RAPGEF4: variants seen among roughly 807,000 people sequenced by gnomAD.
The protein encoded by RAPGEF4 is RAP guanine-nucleotide-exchange factor (GEF) 4.
In RAPGEF4, 66 loss-of-function variants were observed where a neutral mutation model predicts 147.9. That is an observed-to-expected ratio of 0.45 (90% CI 0.37 to 0.55). The LOEUF (loss-of-function observed/expected upper bound fraction) is 0.55. Among genes scored for constraint, RAPGEF4 ranks in the 20% least tolerant of loss-of-function variants. The probability of loss-of-function intolerance (pLI) is 0.00; values close to 1 mark genes in which losing one functional copy is unlikely to be tolerated. For missense variants in RAPGEF4, 1,071 were observed against 1,257.3 expected, an observed-to-expected ratio of 0.85 and a Z score of 2.24; for synonymous variants, 419 against 442.7, an observed-to-expected ratio of 0.95 and a Z score of 0.67.
chr2:172,870,782 T>G (rs1695157424), intron 4 of RAPGEF4, among the ~76,000 whole-genome samples: 1 of 152,210 alleles, frequency 6.6e-6, no homozygotes, highest in Non-Finnish European at 1.5e-5. Context: ...TTCCTATCTA[T>G]AAATTGAGAT....
intron 4 of RAPGEF4, among the ~76,000 whole-genome samples, chr2:172,846,019 C>G (rs566415810): frequency 7.5e-4 from 114 of 152,278 alleles, no homozygotes; most frequent in African/African-American, 2.7e-3. Flanking sequence ...CATAGCAAAC[C>G]CTCCTCACCG....
intron 6 of RAPGEF4, among the ~76,000 whole-genome samples, chr2:172,957,610 C>T (rs1040549522): frequency 1.3e-5 from 2 of 152,184 alleles, no homozygotes; most frequent in African/African-American, 2.4e-5. Context: ...AAAATAAAAC[C>T]TTCCCTGCTT....
intron 10 of RAPGEF4, among the ~76,000 whole-genome samples, chr2:172,968,661 A>G (rs955516130): frequency 6.6e-6 from 1 of 152,216 alleles, no homozygotes; most frequent in African/African-American, 2.4e-5. Flanking sequence ...CTTTCTTCAC[A>G]TAAAAAGATG....
At chr2:172,994,743 T>G (rs1693156557) in intron 15 of RAPGEF4, among the ~76,000 whole-genome samples, 1 of 152,240 alleles carries the variant, frequency 6.6e-6, no homozygotes, top group Non-Finnish European at 1.5e-5. Flanking sequence ...GAAAGTCATT[T>G]ATAAATATGC....
At chr2:172,946,980 T>C (rs1227975281) in intron 6 of RAPGEF4, among the ~76,000 whole-genome samples, 1 of 152,218 alleles carries the variant, frequency 6.6e-6, no homozygotes, top group Non-Finnish European at 1.5e-5. Context: ...GCAACATGTA[T>C]CATTAAATGT....
intron 4 of RAPGEF4, among the ~76,000 whole-genome samples, chr2:172,902,628 A>G (rs1160324286): frequency 6.6e-6 from 1 of 152,062 alleles, no homozygotes; most frequent in Non-Finnish European, 1.5e-5. Flanking sequence ...CTTCCACACT[A>G]TTTTGCAGAA....
intron 4 of RAPGEF4, among the ~76,000 whole-genome samples, chr2:172,816,586 C>A (rs1197931235): frequency 6.6e-6 from 1 of 152,126 alleles, no homozygotes; most frequent in Non-Finnish European, 1.5e-5. Flanking sequence ...TTCCACAGTT[C>A]TTTCCCTTAG....
At position 173,052,859 on chromosome 2, in the gene RAPGEF4, T is replaced by C. The variant is rs1431565145; in HGVS notation, c.*1092T>C. 1 of 152,310 alleles carries C rather than the reference T, an allele frequency of 6.6e-6. No individual in the cohort carries two copies. The highest frequency in any genetic ancestry group is 2.4e-5 in the African/African-American group (1 of 41,472). 9.4% of individuals were successfully genotyped at this position (152,310 alleles called of 1,614,324 possible). A position where few individuals can be genotyped will look rare whatever the true frequency, so the allele number is the denominator to read the frequency against. On this transcript the variant is annotated 3_prime_UTR_variant, in exon 31 of 31. Coordinates refer to ENST00000397081, the MANE Select transcript of RAPGEF4 (RefSeq NM_007023.4). The stretch of plus-strand genomic sequence containing the variant: ...ATGTATATCTTCTGTAAATAACATC[T>C]AGTATCTTCACTAAATATAATTGTC...
chr2:172,754,589 G>A (rs1574707679), intron 1 of RAPGEF4, among the ~76,000 whole-genome samples: 2 of 152,104 alleles, frequency 1.3e-5, no homozygotes, highest in African/African-American at 4.8e-5. Context: ...CTCGTCCAGG[G>A]TCACATAGCT....
intron 17 of RAPGEF4, among the ~76,000 whole-genome samples, chr2:173,003,560 T>C (rs903528695): frequency 2.0e-5 from 3 of 152,170 alleles, no homozygotes; most frequent in Non-Finnish European, 4.4e-5. Flanking sequence ...CAGGATTCTA[T>C]TGGGTTAGTA....
intron 1 of RAPGEF4, among the ~76,000 whole-genome samples, chr2:172,788,612 C>T (rs1014605202): frequency 6.6e-6 from 1 of 152,046 alleles, no homozygotes; most frequent in Non-Finnish European, 1.5e-5. Flanking sequence ...CCTGGCCAAG[C>T]GTGGTGGCTC....
At chr2:173,028,052 A>C (rs777209984) in intron 25 of RAPGEF4, among the ~76,000 whole-genome samples, 4 of 152,216 alleles carry the variant, frequency 2.6e-5, no homozygotes, top group Non-Finnish European at 5.9e-5. Context: ...CTTGACCCAA[A>C]ATCAAACATG....
chr2:172,749,090 C>T, intron 1 of RAPGEF4, among the ~76,000 whole-genome samples: 1 of 152,214 alleles, frequency 6.6e-6, no homozygotes, highest in East Asian at 1.9e-4. Flanking sequence ...CTTTTAGGGG[C>T]TGATGTTGAG....
At chr2:172,987,674 G>A (rs897686637) in intron 12 of RAPGEF4, among the ~76,000 whole-genome samples, 1 of 152,210 alleles carries the variant, frequency 6.6e-6, no homozygotes. Context: ...TATACAAGAA[G>A]CTGTGTGTAG....
chr2:172,829,148 A>G (rs143929414), intron 4 of RAPGEF4, among the ~76,000 whole-genome samples: 28 of 152,306 alleles, frequency 1.8e-4, no homozygotes, highest in African/African-American at 6.3e-4. Context: ...TGTTGCTTCA[A>G]AACTGATCCA....
chr2:172,991,053 T>TA, intron 15 of RAPGEF4, 128 bp downstream of exon 15: 1 of 678,236 alleles, frequency 1.5e-6, no homozygotes, highest in Non-Finnish European at 2.6e-6. Context: ...TTTTCCTCTC[T>TA]ATTGACTAAT....
chr2:172,895,810 A>C (rs1698416322), intron 4 of RAPGEF4, among the ~76,000 whole-genome samples: 1 of 152,134 alleles, frequency 6.6e-6, no homozygotes, highest in Admixed American at 6.5e-5. Flanking sequence ...AACAAACCAG[A>C]ATTTGCCCCT....
At chr2:172,972,316 A>G (rs1690577374) in intron 10 of RAPGEF4, among the ~76,000 whole-genome samples, 1 of 152,218 alleles carries the variant, frequency 6.6e-6, no homozygotes, top group Admixed American at 6.5e-5. Flanking sequence ...CCTGGTAATT[A>G]TAGAGGGATT....
chr2:173,005,123 T>C (rs1198865421), intron 17 of RAPGEF4, among the ~76,000 whole-genome samples: 2 of 151,898 alleles, frequency 1.3e-5, no homozygotes, highest in Non-Finnish European at 2.9e-5. Flanking sequence ...TTTTTTTCTT[T>C]TTTTTTTGCT....
Sources: gnomAD v4.1 joint callset for allele counts (sites outside exome capture counted in the v4.1 genomes callset) on GRCh38, gnomAD v4.1.1 for gene constraint, MANE v1.5 for transcripts, NCBI Gene and HGNC (gene_info 2026-07-23, HGNC 2026-07-21) for gene names.